SLC51A: variants seen among roughly 807,000 people sequenced by gnomAD.
The protein encoded by SLC51A is solute carrier family 51 member A, also known as organic solute transporter subunit alpha.
Under a neutral mutation model 34.8 loss-of-function variants are expected in SLC51A, and 22 were observed. The observed-to-expected ratio is 0.63, with a 90% CI of 0.45 to 0.90. The LOEUF (loss-of-function observed/expected upper bound fraction) is 0.90, where lower values mean the gene tolerates loss of function less well. SLC51A is among the 40% of genes least tolerant of loss of function. The pLI is 0.00. For synonymous variants in SLC51A, 181 were observed against 176.3 expected (o/e 1.03, Z -0.21); for missense variants, 371 against 414.8 (o/e 0.89, Z 0.92).
chr3:196,229,184 G>C (rs1723970824), intron 6 of SLC51A, among the ~76,000 whole-genome samples: 1 of 152,108 alleles, frequency 6.6e-6, no homozygotes, highest in African/African-American at 2.4e-5. Context: ...CGAGGTGGGA[G>C]GATTGCTCAA....
intron 7 of SLC51A, 109 bp downstream of exon 7, chr3:196,230,170 A>C: frequency 9.5e-7 from 1 of 1,048,182 alleles, no homozygotes. Context: ...CTTTTTCATA[A>C]GCCTCACGTC....
intron 1 of SLC51A, among the ~76,000 whole-genome samples, 200 bp from the exon 2 acceptor site, chr3:196,217,639 AAGG>A (rs1277399354): frequency 1.7e-4 from 26 of 151,324 alleles, no homozygotes; most frequent in African/African-American, 6.1e-4. Context: ...GGAAGGAAGG[AAGG>A]AGAAGGGGAA....
intron 2 of SLC51A, among the ~76,000 whole-genome samples, chr3:196,220,606 A>G (rs898008077): frequency 1.3e-5 from 2 of 152,168 alleles, no homozygotes; most frequent in African/African-American, 4.8e-5. Flanking sequence ...CAACAACAGC[A>G]AAAAATAGGC....
intron 7 of SLC51A, among the ~76,000 whole-genome samples, chr3:196,232,001 G>A (rs1724038178): frequency 6.6e-6 from 1 of 152,182 alleles, no homozygotes; most frequent in South Asian, 2.1e-4. Flanking sequence ...TCTCTGGGAT[G>A]GCAGAGCTTC....
intron 2 of SLC51A, chr3:196,226,673 C>T (rs1723899128): frequency 1.5e-5 from 3 of 197,818 alleles, no homozygotes; most frequent in Non-Finnish European, 3.0e-5. Context: ...ACTTGGGAGG[C>T]TGAGGCAGGA....
chr3:196,220,894 T>TC (rs1560151774), intron 2 of SLC51A, among the ~76,000 whole-genome samples: 2 of 149,054 alleles, frequency 1.3e-5, no homozygotes. Context: ...ATTTTTCTTT[T>TC]TTTTTTTTTT....
At chr3:196,227,495 C>T in intron 3 of SLC51A, 169 bp from the exon 4 acceptor site, 1 of 643,592 alleles carries the variant, frequency 1.6e-6, no homozygotes, top group Non-Finnish European at 2.8e-6. Flanking sequence ...AACACCCTCC[C>T]ACAGGTCCTT....
In SLC51A at chr3:196,228,647, ACT is replaced by A; in HGVS notation, c.522-158_522-157del. 1 of 642,988 alleles carries A rather than the reference ACT, an allele frequency of 1.6e-6. No individual in the cohort carries two copies. The highest frequency in any genetic ancestry group is 1.9e-5 in the South Asian group (1 of 53,880). 39.8% of individuals were successfully genotyped at this position (642,988 alleles called of 1,614,324 possible). ...GTGGGAGACCAAGAGGGTTCCCAGCACTCTCAACATTCTGCTTTTTTCCTCTG... is the reference window on the plus strand; with the variant it reads ...GTGGGAGACCAAGAGGGTTCCCAGCACTCAACATTCTGCTTTTTTCCTCTG... On this transcript the variant is annotated intron_variant, in intron 5 of 8. Transcript: ENST00000296327. This position sits in a 1 kb window ranked among gnomAD's most constrained non-coding sequence, Gnocchi z 4.9.
chr3:196,227,591 C>T (rs1723929286), intron 3 of SLC51A, 73 bp from the exon 4 acceptor site: 1 of 1,357,988 alleles, frequency 7.4e-7, no homozygotes, highest in Non-Finnish European at 1.1e-6. Flanking sequence ...CCTCCTGTGT[C>T]CTTGCCGCAA....
chr3:196,222,534 C>T (rs1376294235), intron 2 of SLC51A, among the ~76,000 whole-genome samples: 1 of 150,928 alleles, frequency 6.6e-6, no homozygotes, highest in Non-Finnish European at 1.5e-5. Flanking sequence ...ACCTGGGAGG[C>T]GGAGGCAGAA....
chr3:196,227,993 C>T, intron 4 of SLC51A, 122 bp from the exon 5 acceptor site: 1 of 1,334,958 alleles, frequency 7.5e-7, no homozygotes, highest in South Asian at 1.4e-5. Flanking sequence ...CTCCCTCGCC[C>T]CTCTTGGGTC....
At chr3:196,230,690 G>C (rs561771335) in intron 7 of SLC51A, among the ~76,000 whole-genome samples, 11 of 152,106 alleles carry the variant, frequency 7.2e-5, no homozygotes, top group Middle Eastern at 3.4e-3. Context: ...CGCTATGTTG[G>C]CCAGGCTGGT....
chr3:196,232,834 A>C lies in SLC51A; in HGVS notation c.887-229A>C, dbSNP rs890888228. 5.1e-6 allele frequency: 3 copies of C among 592,384 alleles called. No individual in the cohort carries two copies. The East Asian group carries it at 8.5e-5, about 17-fold the overall frequency. The allele number at this position is 592,384 out of a possible 1,614,324, so 36.7% of individuals were successfully genotyped here. Reference sequence around the variant, plus strand: ...AGAAGCCCATGTTGATTGAACACACATAAGAAATGGACTGTATGCCAGCCT... The same window carrying C: ...AGAAGCCCATGTTGATTGAACACACCTAAGAAATGGACTGTATGCCAGCCT... On this transcript the variant is annotated intron_variant, in intron 8 of 8. Transcript: ENST00000296327.
In SLC51A at chr3:196,233,206, T is replaced by C. The variant is rs370570154; in HGVS notation, c.*7T>C. 6.2e-7 allele frequency: 1 copy of C among 1,614,096 alleles called. No individual in the cohort carries two copies. Among genetic ancestry groups the C allele is most frequent in the Non-Finnish European group, 8.5e-7 (1 of 1,179,982 alleles). ...CTTGAACCTCAAAGCCTAAGGTGGA[T>C]GGCTTGGACAATGAAAGGATGCTGT... is the stretch of plus-strand genomic sequence containing the variant. On this transcript the variant is annotated 3_prime_UTR_variant, in exon 9 of 9. Transcript: ENST00000296327.
chr3:196,226,815 C>T, intron 2 of SLC51A, 150 bp from the exon 3 acceptor site: 1 of 409,314 alleles, frequency 2.4e-6, no homozygotes, highest in Non-Finnish European at 4.2e-6. Context: ...AAGACTATTT[C>T]TTAGGTTGAA....
At chr3:196,232,296 G>A (rs1724043391) in intron 7 of SLC51A, 123 bp from the exon 8 acceptor site, 3 of 677,186 alleles carry the variant, frequency 4.4e-6, no homozygotes, top group Non-Finnish European at 2.7e-6. Flanking sequence ...CTCTGTGACT[G>A]CACAGATCTG....
chr3:196,224,384 T>C (rs2108754726), intron 2 of SLC51A, among the ~76,000 whole-genome samples: 1 of 147,474 alleles, frequency 6.8e-6, no homozygotes, highest in Non-Finnish European at 1.5e-5. Context: ...GAAAAGGCCA[T>C]GTGGGGACAC....
At chr3:196,220,334 T>C (rs1723718964) in intron 2 of SLC51A, among the ~76,000 whole-genome samples, 1 of 152,182 alleles carries the variant, frequency 6.6e-6, no homozygotes, top group Admixed American at 6.5e-5. Context: ...CCGTGGCTCA[T>C]GCCTGTAATC....
At position 196,227,061 on chromosome 3, in the gene SLC51A, AG is replaced by A; in HGVS notation, c.231del (p.Asn78ThrfsTer40). 1.2e-6 allele frequency: 2 copies of A among 1,614,148 alleles called. No individual in the cohort carries two copies. The highest frequency in any genetic ancestry group is 1.7e-6 in the Non-Finnish European group (2 of 1,180,028). ...CTGGAGGATGCCGTCTACCTGTACA[AG>A]AACACCCTTTGCCCCATCAAGAGGC... Reference protein sequence around the residue: ...IFLEDAVYLYKNTLCPIKRRT... With the variant: ...IFLEDAVYLYXNTLCPIKRRT... On this transcript the variant is annotated frameshift_variant, in exon 3 of 9. Transcript: ENST00000296327. LOFTEE classifies it high-confidence loss of function.
Sources: allele counts gnomAD v4.1 joint callset (sites outside exome capture counted in the v4.1 genomes callset), GRCh38; gene constraint gnomAD v4.1.1; non-coding constraint Gnocchi (gnomAD v3.1); transcripts MANE v1.5; gene names NCBI Gene and HGNC (gene_info 2026-07-23, HGNC 2026-07-21).